Variants in CEP57 observed in about 807,000 individuals in gnomAD.
CEP57 encodes the protein centrosomal protein of 57 kDa.
CEP57 carries 40 observed loss-of-function variants against 68.0 expected under a neutral mutation model. The ratio of observed to expected loss-of-function variants is 0.59; its 90% confidence interval spans 0.46 to 0.77. The LOEUF (loss-of-function observed/expected upper bound fraction) is 0.77. CEP57 is among the 30% of genes least tolerant of loss of function. The probability of loss-of-function intolerance (pLI) is 0.00; values close to 1 mark genes in which losing one functional copy is unlikely to be tolerated. For synonymous variants in CEP57, 219 were observed against 198.7 expected, an observed-to-expected ratio of 1.10 and a Z score of -0.86; for missense variants, 606 against 580.7, an observed-to-expected ratio of 1.04 and a Z score of -0.45.
rs387906977 is a variant in CEP57, at chr11:95,812,970, C to T, written c.241C>T (p.Arg81Ter). Residue 81 changes from arginine (R) to a stop codon, truncating the protein, a stop_gained, in exon 3 of 11, where the codon CGA (arginine) becomes TGA (stop). Coordinates refer to ENST00000325542, the MANE Select transcript of CEP57 (RefSeq NM_014679.5). LOFTEE classifies it high-confidence loss of function. ...TCTTAAGAATCTTCAAGATAAGATT[C>T]GACGCTTGGAACTTGAGAGGATTCA... is the stretch of plus-strand genomic sequence containing the variant. ...SALKNLQDKIRRLELERIQAE... is the reference protein window; with the variant it reads ...SALKNLQDKI The T allele has an allele frequency of 1.9e-6, 3 of 1,613,816 alleles. No homozygotes were observed. The highest frequency in any genetic ancestry group is 2.5e-6 in the Non-Finnish European group (3 of 1,179,972).
At chr11:95,811,949 T>TCG (rs1565321157) in intron 2 of CEP57, among the ~76,000 whole-genome samples, 18 of 151,490 alleles carry the variant, frequency 1.2e-4, no homozygotes, top group African/African-American at 3.2e-4. Flanking sequence ...ACCTACATAT[T>TCG]TGTTTTGTCT....
rs1350355249 is a variant in CEP57, at chr11:95,799,376, A to G, written c.190A>G (p.Ser64Gly). The G allele has an allele frequency of 6.2e-7, 1 of 1,614,022 alleles. No homozygotes were observed. The highest frequency in any genetic ancestry group is 1.3e-5 in the African/African-American group (1 of 75,052). Residue 64 changes from serine to glycine, a missense_variant, in exon 2 of 11, where the codon AGC (serine) becomes GGC (glycine). Transcript: ENST00000325542. ...PSKPTLAYPE[S>G]NSRAIFSALK... is the part of the protein sequence containing the mutation. ...TAAGCCTACACTTGCCTATCCAGAA[A>G]GCAACAGCAGAGGTAATCGAGCCTA...
At chr11:95,806,026 T>C (rs1198913396) in intron 2 of CEP57, among the ~76,000 whole-genome samples, 1 of 152,024 alleles carries the variant, frequency 6.6e-6, no homozygotes, top group East Asian at 1.9e-4. Context: ...AAAGAAAACA[T>C]GATGGGAGGA....
At chr11:95,822,093 C>A in intron 7 of CEP57, 115 bp downstream of exon 7, 1 of 755,292 alleles carries the variant, frequency 1.3e-6, no homozygotes, top group South Asian at 1.5e-5. Flanking sequence ...CTTTCATTCT[C>A]AATTTCTTCA....
At chr11:95,792,101 C>T (rs1861109722) in intron 1 of CEP57, among the ~76,000 whole-genome samples, 1 of 151,832 alleles carries the variant, frequency 6.6e-6, no homozygotes, top group Admixed American at 6.6e-5. Context: ...AGTGTTTCAG[C>T]CGAATGGGAA....
In CEP57 at chr11:95,817,892, G is replaced by T; in HGVS notation, c.610G>T (p.Ala204Ser). Residue 204 changes from alanine (A) to serine (S), a missense_variant, in exon 5 of 11, where the codon GCC becomes TCC. Ala to Ser is a moderately conservative substitution (Grantham distance 99, BLOSUM62 1). Coordinates refer to ENST00000325542, the MANE Select transcript of CEP57 (RefSeq NM_014679.5). ...GTATAACAAACTTACCACAATGCAG[G>T]CCCTTGCAGAAGTCAGTGCATGTGT... ...QEYNKLTTMQALAEKKMQELE... is the reference protein window; with the variant it reads ...QEYNKLTTMQSLAEKKMQELE... 6.2e-7 allele frequency: 1 copy of T among 1,608,194 alleles called. No individual in the cohort carries two copies. The highest frequency in any genetic ancestry group is 8.5e-7 in the Non-Finnish European group (1 of 1,174,924).
chr11:95,818,989 C>T (rs1421855353), intron 6 of CEP57, 85 bp downstream of exon 6: 11 of 1,041,772 alleles, frequency 1.1e-5, no homozygotes, highest in Middle Eastern at 2.0e-4. Context: ...AGGTATCTTA[C>T]ATTATTTGTA....
chr11:95,791,419 C>T (rs961338743), intron 1 of CEP57, among the ~76,000 whole-genome samples: 1 of 152,158 alleles, frequency 6.6e-6, no homozygotes, highest in Non-Finnish European at 1.5e-5. Flanking sequence ...TGGTATTTCT[C>T]AAATTGGAGT....
At chr11:95,821,395 G>GT (rs1862511423) in intron 6 of CEP57, among the ~76,000 whole-genome samples, 1 of 151,836 alleles carries the variant, frequency 6.6e-6, no homozygotes, top group Non-Finnish European at 1.5e-5. Flanking sequence ...AGTGTTTTTT[G>GT]TTTTTTGTTA....
intron 9 of CEP57, among the ~76,000 whole-genome samples, chr11:95,828,553 A>G (rs554687952): frequency 7.2e-5 from 11 of 152,334 alleles, no homozygotes; most frequent in Middle Eastern, 3.4e-3. Flanking sequence ...GTTGTTTACT[A>G]CATCATCATC....
At chr11:95,795,612 A>G in intron 1 of CEP57, 1 of 484,902 alleles carries the variant, frequency 2.1e-6, no homozygotes, top group South Asian at 3.4e-5. Flanking sequence ...CAAGTTTTCC[A>G]CCATTAAGTA....
intron 8 of CEP57, among the ~76,000 whole-genome samples, chr11:95,823,560 T>TA (rs1862601207): frequency 6.6e-6 from 1 of 151,930 alleles, no homozygotes; most frequent in African/African-American, 2.4e-5. Context: ...AAGTTTTTTT[T>TA]AATTATAATT....
chr11:95,805,238 C>T (rs1211409236), intron 2 of CEP57, among the ~76,000 whole-genome samples: 3 of 152,044 alleles, frequency 2.0e-5, no homozygotes, highest in Non-Finnish European at 4.4e-5. Context: ...TATTAAAGGA[C>T]GTTTAAAATT....
chr11:95,823,746 G>C (rs1426759097), intron 8 of CEP57, among the ~76,000 whole-genome samples: 1 of 151,988 alleles, frequency 6.6e-6, no homozygotes, highest in African/African-American at 2.4e-5. Context: ...TCAAGGGTTG[G>C]GAGTATTCAC....
chr11:95,812,979 G>A lies in CEP57; in HGVS notation c.250G>A (p.Glu84Lys). Reference protein sequence around the residue: ...KNLQDKIRRLELERIQAEESV... With the variant: ...KNLQDKIRRLKLERIQAEESV... ...TCTTCAAGATAAGATTCGACGCTTG[G>A]AACTTGAGAGGATTCAGGCAGAAGA... is the stretch of plus-strand genomic sequence containing the variant. Residue 84 changes from glutamate to lysine, a missense_variant, in exon 3 of 11, where the codon GAA becomes AAA. Coordinates refer to ENST00000325542, the MANE Select transcript of CEP57 (RefSeq NM_014679.5). 1 of 1,614,014 alleles carries A rather than the reference G, an allele frequency of 6.2e-7. No homozygotes were observed. The highest frequency in any genetic ancestry group is 8.5e-7 in the Non-Finnish European group (1 of 1,180,010).
At chr11:95,808,901 A>G (rs955878456) in intron 2 of CEP57, among the ~76,000 whole-genome samples, 1 of 152,246 alleles carries the variant, frequency 6.6e-6, no homozygotes, top group African/African-American at 2.4e-5. Context: ...TAGAATATAC[A>G]TTCTTCTCAG....
At chr11:95,818,999 A>AT in intron 6 of CEP57, 95 bp downstream of exon 6, 4 of 958,896 alleles carry the variant, frequency 4.2e-6, no homozygotes, top group Non-Finnish European at 6.6e-6. Flanking sequence ...CATTATTTGT[A>AT]TTTTAGAATA....
chr11:95,811,023 G>A (rs151218262), intron 2 of CEP57, among the ~76,000 whole-genome samples: 145 of 152,318 alleles, frequency 9.5e-4, no homozygotes, highest in African/African-American at 3.4e-3. Flanking sequence ...GTGGAAGACT[G>A]TGGCGATTCC....
At chr11:95,800,755 A>G (rs1024722594) in intron 2 of CEP57, among the ~76,000 whole-genome samples, 3 of 151,370 alleles carry the variant, frequency 2.0e-5, no homozygotes, top group African/African-American at 7.3e-5. Flanking sequence ...AGCGGGAGAA[A>G]ATTTTCTGGT....
Sources: gnomAD v4.1 joint callset for allele counts (sites outside exome capture counted in the v4.1 genomes callset) on GRCh38, gnomAD v4.1.1 for gene constraint, MANE v1.5 for transcripts, NCBI Gene and HGNC (gene_info 2026-07-23, HGNC 2026-07-21) for gene names.